TRPC4: variants seen among roughly 807,000 people sequenced by gnomAD.
TRPC4 encodes short transient receptor potential channel 4.
In TRPC4, 49 loss-of-function variants were observed where a neutral mutation model predicts 99.4. The observed-to-expected ratio is 0.49, with a 90% CI of 0.39 to 0.63. The LOEUF is 0.63. Among genes scored for constraint, TRPC4 ranks in the 20% least tolerant of loss-of-function variants. The pLI, the probability that TRPC4 is intolerant of heterozygous loss-of-function variation, is 0.00. For missense variants in TRPC4, 898 were observed against 1,152.9 expected (o/e 0.78, Z 3.20); for synonymous variants, 454 against 425.9 (o/e 1.07, Z -0.81).
intron 3 of TRPC4, among the ~76,000 whole-genome samples, chr13:37,740,703 G>A (rs1256439373): frequency 6.6e-6 from 1 of 152,094 alleles, no homozygotes; most frequent in Admixed American, 6.6e-5. Flanking sequence ...CTTGTTTCTT[G>A]CTTCCATATC....
chr13:37,662,723 G>T (rs568413884), intron 6 of TRPC4, among the ~76,000 whole-genome samples: 2 of 152,282 alleles, frequency 1.3e-5, no homozygotes, highest in Non-Finnish European at 2.9e-5. Flanking sequence ...GTCACAGTGG[G>T]AAGGAAATGG....
At chr13:37,671,954 C>T (rs1187506532) in intron 5 of TRPC4, among the ~76,000 whole-genome samples, 1 of 152,166 alleles carries the variant, frequency 6.6e-6, no homozygotes, top group Non-Finnish European at 1.5e-5. Context: ...TTCCTTAGGT[C>T]ATCTTCATCT....
intron 4 of TRPC4, among the ~76,000 whole-genome samples, chr13:37,680,638 A>G (rs1953206442): frequency 6.6e-6 from 1 of 152,180 alleles, no homozygotes; most frequent in African/African-American, 2.4e-5. Flanking sequence ...CAGAAATTGG[A>G]TCTTTGATAA....
At chr13:37,671,049 C>A (rs566355678) in intron 5 of TRPC4, among the ~76,000 whole-genome samples, 121 of 152,138 alleles carry the variant, frequency 8.0e-4, no homozygotes, top group Middle Eastern at 3.4e-3. Flanking sequence ...TGACCGTGAC[C>A]CACTTGAAGG....
chr13:37,840,401 A>G (rs1958699244), intron 1 of TRPC4, among the ~76,000 whole-genome samples: 1 of 152,100 alleles, frequency 6.6e-6, no homozygotes, highest in South Asian at 2.1e-4. Flanking sequence ...TATAAAGGAT[A>G]ATCTTTGTAG....
intron 1 of TRPC4, among the ~76,000 whole-genome samples, chr13:37,841,476 T>C (rs1378881521): frequency 6.6e-6 from 1 of 151,242 alleles, no homozygotes; most frequent in African/African-American, 2.4e-5. Flanking sequence ...GCTACAGACT[T>C]GAAAACATGT....
intron 3 of TRPC4, among the ~76,000 whole-genome samples, chr13:37,738,240 G>A (rs1408116566): frequency 1.3e-5 from 2 of 152,196 alleles, no homozygotes; most frequent in Non-Finnish European, 2.9e-5. Flanking sequence ...AAATGGCAGG[G>A]TGGATAGTGA....
intron 1 of TRPC4, among the ~76,000 whole-genome samples, chr13:37,813,920 TA>T (rs1366399929): frequency 1.3e-5 from 2 of 151,260 alleles, no homozygotes; most frequent in Admixed American, 6.6e-5. Flanking sequence ...TGAATAGAAA[TA>T]AAAAAAGTCC....
intron 3 of TRPC4, among the ~76,000 whole-genome samples, chr13:37,697,245 G>A (rs945474306): frequency 6.6e-6 from 1 of 152,092 alleles, no homozygotes; most frequent in African/African-American, 2.4e-5. Context: ...ACATAAATCT[G>A]TCTTCTGGGA....
chr13:37,841,073 A>C (rs1240381839), intron 1 of TRPC4, among the ~76,000 whole-genome samples: 2 of 152,268 alleles, frequency 1.3e-5, no homozygotes, highest in East Asian at 3.9e-4. Flanking sequence ...TTTTGTAATA[A>C]TATAAAATAA....
At chr13:37,757,397 C>A (rs183207843) in intron 2 of TRPC4, among the ~76,000 whole-genome samples, 11 of 152,052 alleles carry the variant, frequency 7.2e-5, no homozygotes, top group Non-Finnish European at 1.2e-4. Flanking sequence ...TCTAGCACAT[C>A]CCTAAGTTAA....
Position 37,746,141 on chromosome 13 carries a change from G to C in TRPC4, c.693C>G (p.Ser231Arg), listed in dbSNP as rs1413490683. Residue 231 changes from serine to arginine, a missense_variant, in exon 3 of 11, where the codon AGC becomes AGG. Transcript: ENST00000379705. ...CCGACTTGAATTCATTTTCCACCTT[G>C]CTCAGTTCCTGAAGTTCCCAACTTA... is the stretch of plus-strand genomic sequence containing the variant. ...FQLSWELQEL[S>R]KVENEFKSEY... 1 of 1,613,626 alleles carries C rather than the reference G, an allele frequency of 6.2e-7. No individual in the cohort carries two copies. Among genetic ancestry groups the C allele is most frequent in the Admixed American group, 1.7e-5 (1 of 59,972 alleles).
chr13:37,850,647 G>T (rs915270293), intron 1 of TRPC4, among the ~76,000 whole-genome samples: 1 of 152,068 alleles, frequency 6.6e-6, no homozygotes, highest in African/African-American at 2.4e-5. Context: ...TAAAAGAAGA[G>T]CTTATGCTTT....
Position 37,632,776 on chromosome 13 carries a change from AAAACAGTAAG to A in TRPC4, c.*4117_*4126del, listed in dbSNP as rs1951423177. Among the ~76,000 whole-genome samples, 1 of 152,224 alleles carries A rather than the reference AAAACAGTAAG, an allele frequency of 6.6e-6. No individual in the cohort carries two copies. Among genetic ancestry groups the A allele is most frequent in the African/African-American group, 2.4e-5 (1 of 41,474 alleles). On this transcript the variant is annotated 3_prime_UTR_variant, in exon 11 of 11. Coordinates refer to ENST00000379705, the MANE Select transcript of TRPC4 (RefSeq NM_016179.4). ...GTGAAAATGAACAGTGTATTTTCTGAAAACAGTAAGAAACCAGCTTTTTAAAAATTCTCTT... is the reference window on the plus strand; with the variant it reads ...GTGAAAATGAACAGTGTATTTTCTGAAAACCAGCTTTTTAAAAATTCTCTT...
intron 3 of TRPC4, among the ~76,000 whole-genome samples, chr13:37,741,472 AT>A (rs1296857390): frequency 6.6e-6 from 1 of 152,180 alleles, no homozygotes; most frequent in Non-Finnish European, 1.5e-5. Context: ...GTTATTATTC[AT>A]TTAGATGATT....
At chr13:37,683,442 A>T (rs749780871) in intron 4 of TRPC4, among the ~76,000 whole-genome samples, 17 of 152,100 alleles carry the variant, frequency 1.1e-4, no homozygotes, top group Non-Finnish European at 2.1e-4. Context: ...CTCAAGAGGG[A>T]TTTGTTAGGG....
chr13:37,711,428 AT>A (rs1189294769), intron 3 of TRPC4, among the ~76,000 whole-genome samples: 1 of 151,994 alleles, frequency 6.6e-6, no homozygotes, highest in Non-Finnish European at 1.5e-5. Context: ...ATGTGAAGTA[AT>A]TTATTAATTA....
chr13:37,675,478 C>T (rs1442206196), intron 4 of TRPC4, among the ~76,000 whole-genome samples: 1 of 152,124 alleles, frequency 6.6e-6, no homozygotes. Context: ...AAAATTTCTA[C>T]CCTCTTGCAT....
At chr13:37,797,614 A>G (rs1026950404) in intron 1 of TRPC4, among the ~76,000 whole-genome samples, 1 of 152,182 alleles carries the variant, frequency 6.6e-6, no homozygotes, top group African/African-American at 2.4e-5. Context: ...CTTTGAATTT[A>G]CCAGTCAAGT....
Sources: allele counts gnomAD v4.1 joint callset (sites outside exome capture counted in the v4.1 genomes callset), GRCh38; gene constraint gnomAD v4.1.1; transcripts MANE v1.5; gene names NCBI Gene and HGNC (gene_info 2026-07-23, HGNC 2026-07-21).